The following CROCC2 variants were observed in gnomAD, a reference collection of about 807,000 sequenced individuals.
CROCC2 encodes ciliary rootlet coiled-coil protein 2.
Under a neutral mutation model 177.6 loss-of-function variants are expected in CROCC2, and 163 were observed. The observed-to-expected ratio is 0.92, with a 90% CI of 0.81 to 1.05. The LOEUF (loss-of-function observed/expected upper bound fraction) is 1.05, where lower values mean the gene tolerates loss of function less well. CROCC2 is among the 50% of genes least tolerant of loss of function. CROCC2 has a pLI of 0.00. For missense variants in CROCC2, 1,929 were observed against 1,797.8 expected (o/e 1.07, Z -1.32); for synonymous variants, 904 against 787.3 (o/e 1.15, Z -2.48).
chr2:240,954,775 A>G (rs971538991), intron 18 of CROCC2: 2 of 152,214 alleles, frequency 1.3e-5, no homozygotes, highest in African/African-American at 4.8e-5. Context: ...TTCAGCAGAC[A>G]GTCCCCATCC....
intron 28 of CROCC2, 94 bp downstream of exon 28, chr2:240,983,123 C>T: frequency 7.8e-7 from 1 of 1,281,402 alleles, no homozygotes; most frequent in Non-Finnish European, 1.1e-6. Flanking sequence ...CAGAATCAGT[C>T]CCTCAACATG....
In CROCC2 at chr2:240,933,183, A is replaced by G; in HGVS notation, c.1304A>G (p.Glu435Gly). The change falls in exon 10 of 32, where the codon GAG (glutamate) becomes GGG (glycine). Residue 435 changes from glutamate (E) to glycine (G), a missense_variant. By Grantham distance (98) the Glu-to-Gly change is moderately conservative. Transcript: ENST00000690015. ...CAGGCACTGGTGGCCAGTCTCCAGG[A>G]GCAGCTGTCCGAAAGCCGGCGGGAG... The part of the protein sequence containing the change: ...SSQALVASLQ[E>G]QLSESRRELW... 1 of 1,549,764 alleles carries G rather than the reference A, an allele frequency of 6.5e-7. No homozygotes were observed. Among genetic ancestry groups the G allele is most frequent in the Admixed American group, 2.0e-5 (1 of 50,982 alleles).
chr2:240,983,953 G>T (rs1442261320), intron 28 of CROCC2, among the ~76,000 whole-genome samples: 1 of 152,166 alleles, frequency 6.6e-6, no homozygotes, highest in Admixed American at 6.5e-5. Context: ...GGAGCAACAG[G>T]TGGGCCAGCC....
Position 240,969,139 on chromosome 2 carries a change from G to A in CROCC2, c.4401+877G>A, listed in dbSNP as rs181138134. Among the ~76,000 whole-genome samples the A allele has an allele frequency of 7.9e-5, 12 of 152,034 alleles. No homozygotes were observed. The South Asian group carries it at 8.3e-4, about 10-fold the overall frequency. Reference sequence around the variant, plus strand: ...GCAGAGGAGACAGGGCACAGAGACCGGGGAGCCACTCCTCTCCAAGTGTCC... The same window carrying A: ...GCAGAGGAGACAGGGCACAGAGACCAGGGAGCCACTCCTCTCCAAGTGTCC... On this transcript the variant is annotated intron_variant, in intron 27 of 31. Coordinates refer to ENST00000690015, the MANE Select transcript of CROCC2 (RefSeq NM_001351305.2).
chr2:240,966,929 C>T (rs2059687992), intron 25 of CROCC2, among the ~76,000 whole-genome samples: 1 of 152,112 alleles, frequency 6.6e-6, no homozygotes, highest in East Asian at 2.0e-4. Flanking sequence ...TCTGTGCACA[C>T]TCCTTCCCTT....
intron 10 of CROCC2, 93 bp downstream of exon 10, chr2:240,933,435 G>A: frequency 7.6e-7 from 1 of 1,320,846 alleles, no homozygotes; most frequent in Non-Finnish European, 1.0e-6. Context: ...TCTAGAGCTG[G>A]AGGGGTTGCC....
rs752484187 is a variant in CROCC2 at position 240,965,558 on chromosome 2, C to T, written c.3603+40C>T. On this transcript the variant is annotated intron_variant, in intron 23 of 31. Transcript: ENST00000690015. ...TGTGGTCAGAAGGGAAGGAGCTGGG[C>T]GTCGGGGAGCAGAGGGAGGAGGCCC... The T allele has an allele frequency of 1.7e-5, 26 of 1,549,536 alleles. No homozygotes were observed. In the Admixed American group the frequency reaches 2.6e-4, roughly 15 times the overall value.
intron 18 of CROCC2, among the ~76,000 whole-genome samples, chr2:240,951,401 A>G (rs1265866170): frequency 6.6e-6 from 1 of 151,218 alleles, no homozygotes; most frequent in African/African-American, 2.4e-5. Flanking sequence ...CTATCCATCC[A>G]TTCATCCATC....
rs1000131271 is a variant in CROCC2 at position 240,933,587 on chromosome 2, C to T, written c.1464-83C>T. The T allele has an allele frequency of 2.8e-6, 4 of 1,429,046 alleles. No individual in the cohort carries two copies. In the Admixed American group the frequency reaches 6.5e-5, roughly 23 times the overall value. The allele number at this position is 1,429,046 out of a possible 1,614,324, so 88.5% of individuals were successfully genotyped here. On this transcript the variant is annotated intron_variant, in intron 10 of 31. Transcript: ENST00000690015. Reference sequence around the variant, plus strand: ...ATGCAGTCTCAGGGGCTGGCATCCACCCAGCCCCCAATGCCCACCAAGGCA... The same window carrying T: ...ATGCAGTCTCAGGGGCTGGCATCCATCCAGCCCCCAATGCCCACCAAGGCA...
At chr2:240,939,564 A>T (rs566160562) in intron 14 of CROCC2, among the ~76,000 whole-genome samples, 76 of 152,196 alleles carry the variant, frequency 5.0e-4, no homozygotes, top group African/African-American at 1.8e-3. Context: ...AATTGGTATT[A>T]CTTATTTCTT....
rs919695908 is a variant in CROCC2 at position 240,991,179 on chromosome 2, C to T, written c.4864-17C>T. ...TGCAGCCTGCCCACCTGACCTGAGC[C>T]ACTGTCCTGTCCCCAGGTGGCCAGC... On this transcript the variant is annotated splice_polypyrimidine_tract_variant and intron_variant, in intron 30 of 31. Transcript: ENST00000690015. The T allele has an allele frequency of 1.8e-5, 27 of 1,531,502 alleles. No individual in the cohort carries two copies. Among genetic ancestry groups the T allele is most frequent in the Middle Eastern group, 3.4e-4 (2 of 5,960 alleles). The allele number at this position is 1,531,502 out of a possible 1,614,324, so 94.9% of individuals were successfully genotyped here.
chr2:240,981,569 G>A (rs1051989561), intron 27 of CROCC2: 1 of 152,124 alleles, frequency 6.6e-6, no homozygotes, highest in African/African-American at 2.4e-5. Flanking sequence ...CAAGAGGTTT[G>A]GGACCTCTTA....
rs377269345 is a variant in CROCC2 at position 240,911,544 on chromosome 2, C to T, written c.78+4953C>T. Among the ~76,000 whole-genome samples the T allele has an allele frequency of 2.4e-3, 361 of 152,214 alleles. 1 individual carries two copies. Among genetic ancestry groups the T allele is most frequent in the African/African-American group, 7.7e-3 (321 of 41,522 alleles). ...AACTCCTGACCTCAAGCGATGTGCG[C>T]GCCTCAACCTCCCAAAGTGCTGGAA... On this transcript the variant is annotated intron_variant, in intron 1 of 31. Transcript: ENST00000690015.
At chr2:240,934,568 C>A in intron 12 of CROCC2, 93 bp downstream of exon 12, 2 of 1,286,632 alleles carry the variant, frequency 1.6e-6, no homozygotes, top group Non-Finnish European at 2.1e-6. Context: ...CTCTCTCCTG[C>A]CTGCCGGGCC....
chr2:240,911,544 C>A (rs377269345), intron 1 of CROCC2, among the ~76,000 whole-genome samples: 1 of 152,102 alleles, frequency 6.6e-6, no homozygotes, highest in African/African-American at 2.4e-5. Flanking sequence ...GCGATGTGCG[C>A]GCCTCAACCT....
chr2:240,925,437 G>A (rs2059389898), intron 4 of CROCC2, among the ~76,000 whole-genome samples: 3 of 152,230 alleles, frequency 2.0e-5, no homozygotes. Context: ...GGCCAAGGTT[G>A]CAGAGCCAGA....
In CROCC2 at chr2:240,933,204, G is replaced by A. The variant is rs867409919; in HGVS notation, c.1325G>A (p.Arg442Gln). 30 of 1,549,542 alleles carry A rather than the reference G, an allele frequency of 1.9e-5. No homozygotes were observed. Among genetic ancestry groups the A allele is most frequent in the Non-Finnish European group, 2.3e-5 (26 of 1,146,650 alleles). The part of the protein sequence containing the change: ...SLQEQLSESR[R>Q]ELWAAQKLQQ... ...CAGGAGCAGCTGTCCGAAAGCCGGC[G>A]GGAGCTGTGGGCCGCACAGAAGCTC... Residue 442 changes from arginine to glutamine, a missense_variant, in exon 10 of 32, where the codon CGG (arginine) becomes CAG (glutamine). Arg to Gln is a conservative substitution (Grantham distance 43). Transcript: ENST00000690015.
At chr2:240,952,873 G>A (rs1218946174) in intron 18 of CROCC2, among the ~76,000 whole-genome samples, 1 of 152,080 alleles carries the variant, frequency 6.6e-6, no homozygotes, top group Non-Finnish European at 1.5e-5. Flanking sequence ...TGAGAGCCAG[G>A]CAAAGGAGGA....
At chr2:240,932,476 C>G in intron 8 of CROCC2, 62 bp downstream of exon 8, 1 of 714,548 alleles carries the variant, frequency 1.4e-6, no homozygotes, top group Non-Finnish European at 2.6e-6. Flanking sequence ...TCAGGAGTCT[C>G]CCCTGCCACA....
Sources: allele counts gnomAD v4.1 joint callset (sites outside exome capture counted in the v4.1 genomes callset), GRCh38; gene constraint gnomAD v4.1.1; transcripts MANE v1.5; gene names NCBI Gene and HGNC (gene_info 2026-07-23, HGNC 2026-07-21).